ZNF423: variants seen among roughly 807,000 people sequenced by gnomAD.
The protein encoded by ZNF423 is zinc finger protein 423.
Under a neutral mutation model 95.8 loss-of-function variants are expected in ZNF423, and 12 were observed. The observed-to-expected ratio is 0.13, with a 90% CI of 0.08 to 0.20. The LOEUF is 0.20. Among genes scored for constraint, ZNF423 ranks in the 10% least tolerant of loss-of-function variants. The pLI is 1.00. For synonymous variants in ZNF423, 749 were observed against 711.9 expected, an observed-to-expected ratio of 1.05 and a Z score of -0.83; for missense variants, 1,316 against 1,737.1, an observed-to-expected ratio of 0.76 and a Z score of 4.31.
At chr16:49,787,635 C>T (rs1233564650) in intron 2 of ZNF423, among the ~76,000 whole-genome samples, 11 of 152,218 alleles carry the variant, frequency 7.2e-5, no homozygotes, top group Non-Finnish European at 4.4e-5. Flanking sequence ...ACCAACACCA[C>T]CCTTGCCTTC....
intron 3 of ZNF423, among the ~76,000 whole-genome samples, chr16:49,640,466 C>G (rs1304534370): frequency 1.3e-5 from 2 of 152,118 alleles, no homozygotes; most frequent in Non-Finnish European, 2.9e-5. Context: ...ACAAGGCTCT[C>G]CACACAAGCT....
chr16:49,570,657 T>C (rs1970327069), intron 5 of ZNF423, among the ~76,000 whole-genome samples: 1 of 152,242 alleles, frequency 6.6e-6, no homozygotes, highest in Admixed American at 6.5e-5. Context: ...TTTGATGTTA[T>C]ATATAATATT....
At chr16:49,833,112 C>T (rs1240149119) in intron 1 of ZNF423, among the ~76,000 whole-genome samples, 1 of 152,230 alleles carries the variant, frequency 6.6e-6, no homozygotes, top group South Asian at 2.1e-4. Context: ...GGCCTGGCCC[C>T]TCATGGGACC....
chr16:49,814,657 GA>G (rs1337512122), intron 1 of ZNF423, among the ~76,000 whole-genome samples: 2 of 151,358 alleles, frequency 1.3e-5, no homozygotes, highest in African/African-American at 4.9e-5. Context: ...CTTGCTATAA[GA>G]TTTGTTCCAG....
chr16:49,825,236 G>A (rs563466576), intron 1 of ZNF423, among the ~76,000 whole-genome samples: 9 of 152,114 alleles, frequency 5.9e-5, no homozygotes, highest in Non-Finnish European at 1.2e-4. Flanking sequence ...TCCTTTGGTT[G>A]TTGAAAATTA....
At chr16:49,849,331 G>A (rs1170241557) in intron 1 of ZNF423, among the ~76,000 whole-genome samples, 5 of 152,104 alleles carry the variant, frequency 3.3e-5, no homozygotes, top group Non-Finnish European at 7.3e-5. Context: ...GTTTGCCAGG[G>A]TCCCATCGAC....
intron 7 of ZNF423, among the ~76,000 whole-genome samples, chr16:49,514,202 ACACACACACATG>A (rs71134592): frequency 0.4 from 58,263 of 147,124 alleles, 11,450 homozygotes; most frequent in African/African-American, 0.48. Context: ...ACACACACAC[ACACACACACATG>A]CACACGCACA....
chr16:49,620,278 G>C (rs1234029666), intron 5 of ZNF423, among the ~76,000 whole-genome samples: 5 of 152,016 alleles, frequency 3.3e-5, no homozygotes, highest in South Asian at 2.1e-4. Context: ...CTCCCTCCAG[G>C]TTGGCCAGGG....
At chr16:49,753,463 C>T (rs1026437092) in intron 2 of ZNF423, among the ~76,000 whole-genome samples, 3 of 149,970 alleles carry the variant, frequency 2.0e-5, no homozygotes, top group Non-Finnish European at 4.4e-5. Flanking sequence ...ATTAGCCAGG[C>T]GTGGTGATGT....
chr16:49,669,020 G>C (rs891900881), intron 3 of ZNF423, among the ~76,000 whole-genome samples: 1 of 152,158 alleles, frequency 6.6e-6, no homozygotes, highest in Non-Finnish European at 1.5e-5. Context: ...GGGGAGTGGG[G>C]AGTGCAGCAT....
chr16:49,816,387 A>G (rs1459169745), intron 1 of ZNF423, among the ~76,000 whole-genome samples: 2 of 152,130 alleles, frequency 1.3e-5, no homozygotes, highest in Non-Finnish European at 2.9e-5. Flanking sequence ...AGGTGCTTGG[A>G]AAGTACTTTT....
chr16:49,526,723 C>T (rs2151711251), intron 5 of ZNF423, among the ~76,000 whole-genome samples: 1 of 152,342 alleles, frequency 6.6e-6, no homozygotes, highest in East Asian at 1.9e-4. Context: ...AGGCAAGTCA[C>T]ACAACCTCTC....
chr16:49,529,215 A>G (rs980373902), intron 5 of ZNF423, among the ~76,000 whole-genome samples: 2 of 151,982 alleles, frequency 1.3e-5, no homozygotes, highest in African/African-American at 2.4e-5. Context: ...GCTCATTTGT[A>G]AAGTGAAATG....
intron 5 of ZNF423, among the ~76,000 whole-genome samples, chr16:49,620,220 TACACATACAC>T (rs757713547): frequency 6.3e-5 from 9 of 143,420 alleles, no homozygotes; most frequent in South Asian, 4.5e-4. Context: ...GACACACACA[TACACATACAC>T]ACACAGACAC....
intron 2 of ZNF423, among the ~76,000 whole-genome samples, chr16:49,733,481 C>T (rs546806212): frequency 5.3e-5 from 8 of 152,318 alleles, no homozygotes; most frequent in Admixed American, 6.5e-5. Flanking sequence ...CTGGTACATC[C>T]TGTTGACTCG....
At chr16:49,835,325 C>T (rs371293331) in intron 1 of ZNF423, among the ~76,000 whole-genome samples, 98 of 152,336 alleles carry the variant, frequency 6.4e-4, no homozygotes, top group African/African-American at 2.2e-3. Flanking sequence ...ACAACCCCAT[C>T]CTGGGCCCAG....
At chr16:49,627,818 T>A in intron 4 of ZNF423, among the ~76,000 whole-genome samples, 1 of 129,114 alleles carries the variant, frequency 7.7e-6, no homozygotes, top group Non-Finnish European at 1.6e-5. Context: ...AGTCATCCAT[T>A]TACATACACA....
chr16:49,831,214 T>A (rs951435583), intron 1 of ZNF423, among the ~76,000 whole-genome samples: 2 of 152,128 alleles, frequency 1.3e-5, no homozygotes, highest in Non-Finnish European at 2.9e-5. Context: ...CACCCAGAAA[T>A]AAAGAGTTAA....
intron 1 of ZNF423, chr16:49,853,717 C>T: frequency 2.0e-6 from 2 of 985,370 alleles, no homozygotes; most frequent in Non-Finnish European, 2.4e-6. Flanking sequence ...AGGCTGAAGA[C>T]CAATTCTTGA....
Sources: gnomAD v4.1 joint callset for allele counts (sites outside exome capture counted in the v4.1 genomes callset) on GRCh38, gnomAD v4.1.1 for gene constraint, MANE v1.5 for transcripts, NCBI Gene and HGNC (gene_info 2026-07-23, HGNC 2026-07-21) for gene names.